Variants in GARRE1 observed in about 807,000 individuals in gnomAD.
GARRE1 encodes the protein granule associated Rac and RHOG effector protein 1.
In GARRE1, 49 loss-of-function variants were observed where a neutral mutation model predicts 103.2. That is an observed-to-expected ratio of 0.47 (90% CI 0.38 to 0.60). The LOEUF (loss-of-function observed/expected upper bound fraction) is 0.60. GARRE1 is among the 20% of genes least tolerant of loss of function. The pLI is 0.00. For missense variants in GARRE1, 1,199 were observed against 1,370.5 expected, an observed-to-expected ratio of 0.87 and a Z score of 1.98; for synonymous variants, 505 against 532.8, an observed-to-expected ratio of 0.95 and a Z score of 0.72.
intron 2 of GARRE1, among the ~76,000 whole-genome samples, chr19:34,318,227 C>T (rs1279147455): frequency 6.6e-6 from 1 of 152,138 alleles, no homozygotes; most frequent in Non-Finnish European, 1.5e-5. Context: ...ACTGAGAGGG[C>T]GTGTGGCAAA....
At chr19:34,258,145 G>A (rs552842740) in intron 1 of GARRE1, among the ~76,000 whole-genome samples, 6 of 152,160 alleles carry the variant, frequency 3.9e-5, no homozygotes, top group South Asian at 2.1e-4. Context: ...GATTACAGGC[G>A]TGAGACACCA....
intron 1 of GARRE1, among the ~76,000 whole-genome samples, chr19:34,270,143 C>CA (rs1254495160): frequency 2.0e-5 from 3 of 152,248 alleles, no homozygotes; most frequent in East Asian, 3.8e-4. Flanking sequence ...ATTTTTACCG[C>CA]AGTTGCACAG....
rs2074113954 is a variant in GARRE1, at chr19:34,326,795, G to GGGAAC, written c.706-626_706-625insGGAAC. Among the ~76,000 whole-genome samples, 10 of 151,668 alleles carry GGGAAC rather than the reference G, an allele frequency of 6.6e-5. No individual in the cohort carries two copies. In the East Asian group the frequency reaches 1.7e-3, roughly 27 times the overall value. On this transcript the variant is annotated intron_variant, in intron 3 of 13. Coordinates refer to ENST00000299505, the MANE Select transcript of GARRE1 (RefSeq NM_014686.5). ...TGAGTATATACACACATATATATGT[G>GGGAAC]TGTATATACATATATATATAACAAA... is the stretch of plus-strand genomic sequence containing the variant.
chr19:34,262,496 A>G (rs1256741636), intron 1 of GARRE1, among the ~76,000 whole-genome samples: 2 of 151,192 alleles, frequency 1.3e-5, no homozygotes, highest in African/African-American at 4.9e-5. Flanking sequence ...GGGTTTCACC[A>G]TATTGGCTAG....
At chr19:34,257,074 G>GA (rs1202436277) in intron 1 of GARRE1, among the ~76,000 whole-genome samples, 1 of 151,920 alleles carries the variant, frequency 6.6e-6, no homozygotes, top group Non-Finnish European at 1.5e-5. Context: ...GACCAAGATA[G>GA]AAAAGTTCTC....
chr19:34,347,168 G>A (rs1421278874), intron 10 of GARRE1, among the ~76,000 whole-genome samples: 2 of 151,048 alleles, frequency 1.3e-5, no homozygotes, highest in East Asian at 3.9e-4. Context: ...AGCTCACTGC[G>A]ACCTCTGCCG....
Position 34,319,965 on chromosome 19 carries a change from C to T in GARRE1, c.554C>T (p.Ala185Val), listed in dbSNP as rs768038646. ...VQVHFQFLTH[A>V]LQKVQPVAHS... ...GTCCATTTCCAGTTTTTGACTCATG[C>T]GTTACAGAAGGTCCAGCCGGTGGCT... is the stretch of plus-strand genomic sequence containing the variant. The change falls in exon 3 of 14, where the codon GCG becomes GTG. Residue 185 changes from alanine (A) to valine (V), a missense_variant. Ala to Val is a moderately conservative substitution (Grantham distance 64). Coordinates refer to ENST00000299505, the MANE Select transcript of GARRE1 (RefSeq NM_014686.5). The T allele has an allele frequency of 5.0e-6, 8 of 1,614,058 alleles. No individual in the cohort carries two copies. The African/African-American group carries it at 8.0e-5, about 16-fold the overall frequency.
chr19:34,271,765 G>A (rs1599749080), intron 1 of GARRE1, among the ~76,000 whole-genome samples: 1 of 151,972 alleles, frequency 6.6e-6, no homozygotes, highest in African/African-American at 2.4e-5. Flanking sequence ...CTTGAGGGAG[G>A]TCAAAGCTGC....
chr19:34,280,094 C>T (rs924967477), intron 1 of GARRE1, among the ~76,000 whole-genome samples: 11 of 151,754 alleles, frequency 7.2e-5, no homozygotes, highest in African/African-American at 2.7e-4. Flanking sequence ...GAAGGCAAAG[C>T]GGAGCAGGCA....
chr19:34,259,663 T>G (rs981525652), intron 1 of GARRE1, among the ~76,000 whole-genome samples: 1 of 150,456 alleles, frequency 6.6e-6, no homozygotes, highest in Non-Finnish European at 1.5e-5. Context: ...GTTTTTTTTG[T>G]TTGTTTGTTT....
intron 1 of GARRE1, among the ~76,000 whole-genome samples, chr19:34,284,039 C>G (rs1271881825): frequency 6.6e-6 from 1 of 150,904 alleles, no homozygotes. Flanking sequence ...ACCGTGTTAG[C>G]CAGGATGGTC....
rs373321301 is a variant in GARRE1, at chr19:34,293,754, T to C, written c.-795-5925T>C. On this transcript the variant is annotated intron_variant, in intron 1 of 13. Coordinates refer to ENST00000299505, the MANE Select transcript of GARRE1 (RefSeq NM_014686.5). ...CACACACACACACACATATTTCTTT[T>C]TTTTTTTTTTTTTTTTTTTTTTGAG... Among the ~76,000 whole-genome samples, 6 of 77,764 alleles carry C rather than the reference T, an allele frequency of 7.7e-5. No individual in the cohort carries two copies. The East Asian group carries it at 1.5e-3, about 19-fold the overall frequency. 51.0% of individuals were successfully genotyped at this position (77,764 alleles called of 152,430 possible).
At chr19:34,270,059 C>T (rs1363127087) in intron 1 of GARRE1, among the ~76,000 whole-genome samples, 5 of 152,198 alleles carry the variant, frequency 3.3e-5, no homozygotes, top group South Asian at 2.1e-4. Flanking sequence ...CCTCCCTGCT[C>T]GGTGATTTGT....
chr19:34,308,196 G>A (rs954284129), intron 2 of GARRE1, among the ~76,000 whole-genome samples: 4 of 147,332 alleles, frequency 2.7e-5, no homozygotes, highest in African/African-American at 5.0e-5. Flanking sequence ...TCAAAAATAC[G>A]ATTTGCATTA....
Position 34,290,500 on chromosome 19 carries a change from C to T in GARRE1, c.-795-9179C>T, listed in dbSNP as rs540485108. ...ATCATCTACCACAAAGCCTTTTTTTCTCTCTCTCTCTCTTAGAGACAGGGT... is the reference window on the plus strand; with the variant it reads ...ATCATCTACCACAAAGCCTTTTTTTTTCTCTCTCTCTCTTAGAGACAGGGT... On this transcript the variant is annotated intron_variant, in intron 1 of 13. Coordinates refer to ENST00000299505, the MANE Select transcript of GARRE1 (RefSeq NM_014686.5). Among the ~76,000 whole-genome samples the T allele has an allele frequency of 5.2e-4, 78 of 150,984 alleles. 1 individual carries two copies. Among genetic ancestry groups the T allele is most frequent in the South Asian group, 1.7e-3 (8 of 4,810 alleles).
At chr19:34,261,422 A>G (rs1228525888) in intron 1 of GARRE1, among the ~76,000 whole-genome samples, 2 of 151,864 alleles carry the variant, frequency 1.3e-5, no homozygotes, top group African/African-American at 4.9e-5. Context: ...TTGAGCTTAG[A>G]TAGCCTAAAT....
At chr19:34,268,450 A>G (rs1484870702) in intron 1 of GARRE1, among the ~76,000 whole-genome samples, 2 of 152,054 alleles carry the variant, frequency 1.3e-5, no homozygotes, top group African/African-American at 4.8e-5. Flanking sequence ...CTGTAATAGA[A>G]TTCCTTCAAG....
intron 1 of GARRE1, among the ~76,000 whole-genome samples, chr19:34,282,429 C>T (rs558580881): frequency 2.0e-5 from 3 of 152,324 alleles, no homozygotes; most frequent in East Asian, 3.9e-4. Flanking sequence ...GGATTACAGG[C>T]GTGAGCCACC....
At chr19:34,296,551 T>C in intron 1 of GARRE1, 1 of 1,594,914 alleles carries the variant, frequency 6.3e-7, no homozygotes, top group Non-Finnish European at 8.5e-7. Context: ...CGTGCACTCA[T>C]GGCCTTGGCA....
Sources: gnomAD v4.1 joint callset for allele counts (sites outside exome capture counted in the v4.1 genomes callset) on GRCh38, gnomAD v4.1.1 for gene constraint, MANE v1.5 for transcripts, NCBI Gene and HGNC (gene_info 2026-07-23, HGNC 2026-07-21) for gene names.